Variants in RARB observed in about 807,000 individuals in gnomAD.
The protein encoded by RARB is retinoic acid receptor beta.
Under a neutral mutation model 51.9 loss-of-function variants are expected in RARB, and 17 were observed. The observed-to-expected ratio is 0.33, with a 90% CI of 0.22 to 0.49. RARB has a LOEUF of 0.49. Ranked by LOEUF, RARB falls within the 20% of genes least tolerant of loss-of-function variation. RARB has a pLI of 0.99. For missense variants in RARB, 369 were observed against 550.8 expected (o/e 0.67, Z 3.30); for synonymous variants, 215 against 195.4 (o/e 1.10, Z -0.84).
At chr3:24,889,675 A>AGTGTGTGTGTGTGTGTGTGTGTGTGT (rs71057686) in intron 2 of RARB, among the ~76,000 whole-genome samples, 1 of 142,868 alleles carries the variant, frequency 7.0e-6, no homozygotes, top group African/African-American at 2.6e-5. Flanking sequence ...CACCTCTTAA[A>AGTGTGTGTGTGTGTGTGTGTGTGTGT]GTGTGTGTGT....
chr3:25,319,284 T>C (rs1031905964), intron 5 of RARB, among the ~76,000 whole-genome samples: 7 of 152,142 alleles, frequency 4.6e-5, no homozygotes, highest in Admixed American at 2.6e-4. Flanking sequence ...CAGGATACAG[T>C]TTAATGGCAT....
At chr3:24,930,384 G>A (rs1161333506) in intron 2 of RARB, among the ~76,000 whole-genome samples, 1 of 151,936 alleles carries the variant, frequency 6.6e-6, no homozygotes, top group Non-Finnish European at 1.5e-5. Context: ...GCAAAATATG[G>A]TTATACCTAG....
At chr3:25,319,649 A>AT (rs11373206) in intron 5 of RARB, among the ~76,000 whole-genome samples, 73,431 of 151,790 alleles carry the variant, frequency 0.48, 18,496 homozygotes, top group East Asian at 0.88. Flanking sequence ...GGCAGTTTTG[A>AT]TTTTTTTTCT....
intron 5 of RARB, among the ~76,000 whole-genome samples, chr3:25,258,388 G>C (rs2125405524): frequency 2.6e-5 from 4 of 152,288 alleles, no homozygotes; most frequent in Middle Eastern, 6.8e-3. Context: ...TTGTAAAGTA[G>C]GCAGAATGCA....
At chr3:25,431,041 T>C (rs1395246463) in intron 1 of RARB, among the ~76,000 whole-genome samples, 1 of 148,416 alleles carries the variant, frequency 6.7e-6, no homozygotes, top group Non-Finnish European at 1.5e-5. Flanking sequence ...TGCCATGCAG[T>C]GTTTGGTTCA....
intron 4 of RARB, among the ~76,000 whole-genome samples, chr3:25,164,624 G>A (rs1286792260): frequency 6.6e-6 from 1 of 151,968 alleles, no homozygotes; most frequent in Non-Finnish European, 1.5e-5. Context: ...TCAAATTATA[G>A]GTATGTTGTA....
chr3:25,486,488 C>T (rs903512212), intron 2 of RARB, among the ~76,000 whole-genome samples: 1 of 152,210 alleles, frequency 6.6e-6, no homozygotes, highest in Non-Finnish European at 1.5e-5. Context: ...CTCTCCCATG[C>T]AACCTTCCAC....
intron 5 of RARB, among the ~76,000 whole-genome samples, chr3:25,197,876 C>G (rs1194403270): frequency 2.0e-5 from 3 of 151,920 alleles, no homozygotes; most frequent in East Asian, 3.9e-4. Flanking sequence ...TCTGCAGATT[C>G]AGAGCAATCC....
chr3:25,448,548 A>G (rs13316073), intron 1 of RARB, among the ~76,000 whole-genome samples: 49,733 of 151,708 alleles, frequency 0.33, 8,507 homozygotes, highest in African/African-American at 0.41. Flanking sequence ...GCTCACCACA[A>G]TCTCTGCCTC....
At chr3:25,011,256 G>A (rs1349252133) in intron 2 of RARB, among the ~76,000 whole-genome samples, 2 of 152,148 alleles carry the variant, frequency 1.3e-5, no homozygotes, top group African/African-American at 4.8e-5. Context: ...ATAGGGCTGC[G>A]GAGTTACAAA....
At chr3:25,362,370 A>C (rs961795508) in intron 5 of RARB, among the ~76,000 whole-genome samples, 3 of 152,186 alleles carry the variant, frequency 2.0e-5, no homozygotes, top group Non-Finnish European at 4.4e-5. Context: ...GGTCAACTTC[A>C]GACTGCTGTG....
At position 25,328,478 on chromosome 3, in the gene RARB, C is replaced by T. The variant is rs536152840; in HGVS notation, c.179-132715C>T. 4.6e-5 allele frequency among the ~76,000 whole-genome samples: 7 copies of T among 152,316 alleles called. No individual in the cohort carries two copies. The East Asian group carries it at 1.2e-3, about 25-fold the overall frequency. On this transcript the variant is annotated intron_variant, in intron 5 of 11. Coordinates refer to the RARB transcript ENST00000383772. ...GAGGTTGCAGTGAGCTGAGATCATG[C>T]CACTGCACTCCAGCTTGGGCAACAG...
intron 3 of RARB, among the ~76,000 whole-genome samples, chr3:25,088,382 G>T (rs1007734413): frequency 6.6e-6 from 1 of 152,070 alleles, no homozygotes; most frequent in African/African-American, 2.4e-5. Flanking sequence ...TGCCGTGAAC[G>T]CCCTTGTTTG....
At chr3:25,353,410 T>C (rs1041379523) in intron 5 of RARB, among the ~76,000 whole-genome samples, 3 of 152,190 alleles carry the variant, frequency 2.0e-5, no homozygotes, top group Admixed American at 6.6e-5. Context: ...AACATTACAC[T>C]GGACCCTTTA....
intron 2 of RARB, among the ~76,000 whole-genome samples, chr3:25,054,786 A>T (rs924651584): frequency 3.9e-5 from 6 of 152,156 alleles, no homozygotes; most frequent in Non-Finnish European, 7.4e-5. Context: ...TCTGAAAAGA[A>T]AACCCAGATT....
At chr3:25,227,225 GTC>G (rs558093952) in intron 5 of RARB, among the ~76,000 whole-genome samples, 62 of 152,126 alleles carry the variant, frequency 4.1e-4, no homozygotes, top group Non-Finnish European at 7.9e-4. Flanking sequence ...ATTAATAAAA[GTC>G]TGAATATTTG....
intron 5 of RARB, among the ~76,000 whole-genome samples, chr3:25,331,150 G>A (rs532675751): frequency 6.6e-6 from 1 of 152,280 alleles, no homozygotes; most frequent in African/African-American, 2.4e-5. Flanking sequence ...TCCAGGAATT[G>A]AATTCAGCTC....
intron 4 of RARB, among the ~76,000 whole-genome samples, chr3:25,162,192 C>A (rs147345164): frequency 6.6e-6 from 1 of 152,310 alleles, no homozygotes; most frequent in Non-Finnish European, 1.5e-5. Context: ...CAGCCTCAAC[C>A]TCCTGGGGTC....
Position 25,155,109 on chromosome 3 carries a change from G to A in RARB, c.-279-19010G>A, listed in dbSNP as rs192149700. ...TAGATTTTATCACTATTCTCTTTCCGTATGCATTATATTCCATCTAAAATG... is the reference window on the plus strand; with the variant it reads ...TAGATTTTATCACTATTCTCTTTCCATATGCATTATATTCCATCTAAAATG... On this transcript the variant is annotated intron_variant, in intron 4 of 11. Coordinates refer to the RARB transcript ENST00000383772. 1.4e-3 allele frequency among the ~76,000 whole-genome samples: 207 copies of A among 151,942 alleles called. 3 individuals carry two copies. Among genetic ancestry groups the A allele is most frequent in the Non-Finnish European group, 8.2e-4 (56 of 67,976 alleles).
Sources: allele counts gnomAD v4.1 joint callset (sites outside exome capture counted in the v4.1 genomes callset), GRCh38; gene constraint gnomAD v4.1.1; transcripts MANE v1.5; gene names NCBI Gene and HGNC (gene_info 2026-07-23, HGNC 2026-07-21).